IGFN1: variants seen among roughly 807,000 people sequenced by gnomAD.
IGFN1 encodes immunoglobulin like and fibronectin type III domain containing 1.
A neutral mutation model predicts 289.5 loss-of-function variants in IGFN1; 253 were observed. That is an observed-to-expected ratio of 0.87 (90% confidence interval 0.79 to 0.97). IGFN1 has a LOEUF of 0.97. IGFN1 is among the 50% of genes least tolerant of loss of function. The probability of loss-of-function intolerance (pLI) is 0.00; values close to 1 mark genes in which losing one functional copy is unlikely to be tolerated. For synonymous variants in IGFN1, 1,706 were observed against 1,788.5 expected (o/e 0.95, Z 1.16); for missense variants, 4,470 against 4,686.1 (o/e 0.95, Z 1.35).
At position 201,206,754 on chromosome 1, in the gene IGFN1, T is replaced by C. The variant is rs1374119520; in HGVS notation, c.1861T>C (p.Trp621Arg). The C allele has an allele frequency of 2.6e-6, 4 of 1,536,760 alleles. No homozygotes were observed. Among genetic ancestry groups the C allele is most frequent in the Middle Eastern group, 3.3e-4 (2 of 5,990 alleles). ...ATGCCAGTCTGATCCTGTAGGGTCC[T>C]GGCCAAGAGGAAAGCAGATAGAGAT... ...QGCQSDPVGS[W>R]PRGKQIEISQ... The change falls in exon 12 of 24, where the codon TGG becomes CGG. Residue 621 changes from tryptophan (W) to arginine (R), a missense_variant. By Grantham distance (101) the Trp-to-Arg change is moderately radical (BLOSUM62 -3). Coordinates refer to ENST00000335211, the MANE Select transcript of IGFN1 (RefSeq NM_001164586.2).
intron 15 of IGFN1, 66 bp from the exon 16 acceptor site, chr1:201,216,388 G>T (rs1653286529): frequency 1.5e-6 from 2 of 1,347,876 alleles, no homozygotes; most frequent in South Asian, 1.5e-5. Flanking sequence ...AGTTGGGGGG[G>T]TTGGCGCTGC....
At chr1:201,194,987 C>A (rs1666833841) in intron 3 of IGFN1, among the ~76,000 whole-genome samples, 1 of 152,096 alleles carries the variant, frequency 6.6e-6, no homozygotes, top group Non-Finnish European at 1.5e-5. Context: ...TGAGGGCGGG[C>A]AGTTCCCAGG....
chr1:201,208,820 T>A lies in IGFN1; in HGVS notation c.3927T>A (p.Gly1309=). Residue 1309 remains glycine (G), a synonymous_variant, in exon 12 of 24, where the codon GGT becomes GGA. Coordinates refer to ENST00000335211, the MANE Select transcript of IGFN1 (RefSeq NM_001164586.2). ...GSGSKADYRD[G]VGGSGAMGSM... ...GGAGCAAGGCAGATTATAGGGATGGTGTAGGGGGTTCTGGGGCAATGGGGT... is the reference window on the plus strand; with the variant it reads ...GGAGCAAGGCAGATTATAGGGATGGAGTAGGGGGTTCTGGGGCAATGGGGT... The A allele has an allele frequency of 6.5e-7, 1 of 1,533,682 alleles. No individual in the cohort carries two copies. The highest frequency in any genetic ancestry group is 1.4e-5 in the African/African-American group (1 of 72,038).
chr1:201,195,452 G>A (rs150360703), intron 3 of IGFN1, among the ~76,000 whole-genome samples: 22 of 152,184 alleles, frequency 1.4e-4, no homozygotes, highest in Admixed American at 9.8e-4. Flanking sequence ...GCGCCTGCCC[G>A]GAACTCACAA....
At chr1:201,193,203 G>A in intron 1 of IGFN1, 44 bp from the exon 2 acceptor site, 1 of 973,372 alleles carries the variant, frequency 1.0e-6, no homozygotes, top group African/African-American at 1.6e-5. Flanking sequence ...GGTGGGGTGA[G>A]ACCAGCCTGG....
At chr1:201,193,146 C>T in intron 1 of IGFN1, 101 bp from the exon 2 acceptor site, 2 of 625,378 alleles carry the variant, frequency 3.2e-6, no homozygotes, top group Non-Finnish European at 5.8e-6. Flanking sequence ...GCAGCTTTTT[C>T]CAGCTCCCAC....
chr1:201,216,109 G>A, intron 15 of IGFN1: 1 of 675,868 alleles, frequency 1.5e-6, no homozygotes, highest in Non-Finnish European at 2.7e-6. Flanking sequence ...TTGCTGGGTA[G>A]GATGGTGGTC....
Position 201,199,243 on chromosome 1 carries a change from C to G in IGFN1, c.368-91C>G. ...GTGGGGAGAGCAGGGCTCTGGGACT[C>G]CATCAGTTTCTCAGGAAGACCATCA... On this transcript the variant is annotated intron_variant, in intron 5 of 23. Coordinates refer to ENST00000335211, the MANE Select transcript of IGFN1 (RefSeq NM_001164586.2). 5 of 1,101,712 alleles carry G rather than the reference C, an allele frequency of 4.5e-6. No homozygotes were observed. The South Asian group carries it at 6.7e-5, about 15-fold the overall frequency. The allele number at this position is 1,101,712 out of a possible 1,614,324, so 68.2% of individuals were successfully genotyped here. A position where few individuals can be genotyped will look rare whatever the true frequency, so the allele number is the denominator to read the frequency against.
chr1:201,220,897 G>A (rs531477576), intron 18 of IGFN1, among the ~76,000 whole-genome samples: 16 of 152,268 alleles, frequency 1.1e-4, no homozygotes, highest in Admixed American at 6.5e-4. Context: ...TGATTCCAAC[G>A]TGCAGCCAGA....
chr1:201,217,302 C>T lies in IGFN1; in HGVS notation c.9611C>T (p.Pro3204Leu), dbSNP rs1653374577. 1 of 1,613,980 alleles carries T rather than the reference C, an allele frequency of 6.2e-7. No individual in the cohort carries two copies. Residue 3204 changes from proline to leucine, a missense_variant, in exon 17 of 24, where the codon CCT becomes CTT. Transcript: ENST00000335211. The stretch of plus-strand genomic sequence containing the variant: ...TTACCCCCAGCTCTCCCCAAGGCCC[C>T]TTCCGCGCCAGCCATCCTGTCGGCC... ...LVAPEALPKA[P>L]SAPAILSASS...
At position 201,194,292 on chromosome 1, in the gene IGFN1, T is replaced by G; in HGVS notation, c.127+19T>G. 1 of 1,550,358 alleles carries G rather than the reference T, an allele frequency of 6.5e-7. No homozygotes were observed. Among genetic ancestry groups the G allele is most frequent in the South Asian group, 1.2e-5 (1 of 83,970 alleles). On this transcript the variant is annotated intron_variant, in intron 3 of 23. Transcript: ENST00000335211. The stretch of plus-strand genomic sequence containing the variant: ...CCAGAGGGTGAGCCCAGAGGGGAGC[T>G]GCGGAGGGGAGGCAAGATTCTTGCT...
intron 19 of IGFN1, 100 bp downstream of exon 19, chr1:201,221,846 C>A: frequency 9.8e-7 from 1 of 1,020,234 alleles, no homozygotes; most frequent in African/African-American, 1.6e-5. Flanking sequence ...AGGATCCCCA[C>A]CCTCAGTTTC....
Position 201,216,602 on chromosome 1 carries a change from G to A in IGFN1, c.9444G>A (p.Trp3148Ter). 6.2e-7 allele frequency: 1 copy of A among 1,613,838 alleles called. No homozygotes were observed. The highest frequency in any genetic ancestry group is 1.1e-5 in the South Asian group (1 of 91,076). The change falls in exon 16 of 24, where the codon TGG (tryptophan) becomes TGA (stop). Residue 3148 changes from tryptophan to a stop codon, truncating the protein, a stop_gained. Coordinates refer to ENST00000335211, the MANE Select transcript of IGFN1 (RefSeq NM_001164586.2). LOFTEE classifies it high-confidence loss of function. ...GACGGCAGGCTGGCAGGAGCACTTG[G>A]CTGAAGGTGGGCGAGGCCCCCGCTG... ...VERRQAGRST[W>*]LKVGEAPADS... is the part of the protein sequence containing the mutation.
Position 201,227,075 on chromosome 1 carries a change from G to A in IGFN1, c.10980G>A (p.Val3660=), listed in dbSNP as rs766134966. The A allele has an allele frequency of 8.7e-6, 14 of 1,613,682 alleles. No individual in the cohort carries two copies. The South Asian group carries it at 1.3e-4, about 15-fold the overall frequency. The change falls in exon 23 of 24, where the codon GTG becomes GTA. Residue 3660 remains valine, a synonymous_variant. Transcript: ENST00000335211. ...GCAGCCTGGAAGGAAACCCCGCGGT[G>A]TACAGCACTGACCTGCTGGGCGTGT... ...NDRSLEGNPA[V]YSTDLLGVCS...
rs1399750414 is a variant in IGFN1 at position 201,211,218 on chromosome 1, G to A, written c.6325G>A (p.Asp2109Asn). ...ESMDEAGYRK[D>N]LGAPEGIGSG... ...AATGGATGAGGCAGGTTATAGGAAG[G>A]ATTTGGGGGCTCCTGAGGGAATAGG... Residue 2109 changes from aspartate (D) to asparagine (N), a missense_variant, in exon 12 of 24, where the codon GAT becomes AAT. By Grantham distance (23) the Asp-to-Asn change is conservative. This residue lies in a region of IGFN1 where 2,218 missense variants were observed against 2,114.1 expected (regional missense o/e 1.05). Coordinates refer to ENST00000335211, the MANE Select transcript of IGFN1 (RefSeq NM_001164586.2). 1.6e-5 allele frequency: 25 copies of A among 1,533,354 alleles called. No individual in the cohort carries two copies. In the Admixed American group the frequency reaches 3.4e-4, roughly 21 times the overall value. 95.0% of individuals were successfully genotyped at this position (1,533,354 alleles called of 1,614,324 possible). A position where few individuals can be genotyped will look rare whatever the true frequency, so the allele number is the denominator to read the frequency against.
rs368601672 is a variant in IGFN1 at position 201,217,369 on chromosome 1, C to A, written c.9678C>A (p.Gly3226=). Residue 3226 remains glycine (G), a synonymous_variant, in exon 17 of 24, where the codon GGC becomes GGA. Coordinates refer to ENST00000335211, the MANE Select transcript of IGFN1 (RefSeq NM_001164586.2). ...CACTGACATGGACAGCACCTCGGGGCCCCGGCAGCGCCCACATCCTGGGCT... is the reference window on the plus strand; with the variant it reads ...CACTGACATGGACAGCACCTCGGGGACCCGGCAGCGCCCACATCCTGGGCT... ...GITLTWTAPR[G]PGSAHILGYL... is the part of the protein sequence containing the mutation. 37 of 1,614,034 alleles carry A rather than the reference C, an allele frequency of 2.3e-5. No individual in the cohort carries two copies. The highest frequency in any genetic ancestry group is 1.6e-4 in the Middle Eastern group (1 of 6,082).
At chr1:201,217,232 A>T in intron 16 of IGFN1, 55 bp from the exon 17 acceptor site, 3 of 1,545,578 alleles carry the variant, frequency 1.9e-6, no homozygotes, top group Non-Finnish European at 1.8e-6. Context: ...GGGGCTCCCC[A>T]TGAGCCGGCA....
At chr1:201,227,308 C>A in intron 23 of IGFN1, 100 bp downstream of exon 23, 1 of 921,322 alleles carries the variant, frequency 1.1e-6, no homozygotes, top group South Asian at 1.7e-5. Flanking sequence ...GGGATTCAGC[C>A]GGGAGTCAGG....
chr1:201,201,812 A>G lies in IGFN1; in HGVS notation c.727A>G (p.Ser243Gly), dbSNP rs1357125282. 1 of 1,513,156 alleles carries G rather than the reference A, an allele frequency of 6.6e-7. No homozygotes were observed. Among genetic ancestry groups the G allele is most frequent in the Non-Finnish European group, 9.0e-7 (1 of 1,113,600 alleles). The allele number at this position is 1,513,156 out of a possible 1,614,324, so 93.7% of individuals were successfully genotyped here. A position where few individuals can be genotyped will look rare whatever the true frequency, so the allele number is the denominator to read the frequency against. ...GGAGCTGGATCTCAAGGATTCTCAGAGCAAGATTTACCTGTATAAGGTGAG... is the reference window on the plus strand; with the variant it reads ...GGAGCTGGATCTCAAGGATTCTCAGGGCAAGATTTACCTGTATAAGGTGAG... The part of the protein sequence containing the change: ...DLELDLKDSQ[S>G]KIYLYKDGEM... Residue 243 changes from serine to glycine, a missense_variant, in exon 9 of 24, where the codon AGC becomes GGC. Physicochemically the swap from Ser to Gly is moderately conservative, Grantham distance 56. Transcript: ENST00000335211.
Sources: allele counts gnomAD v4.1 joint callset (sites outside exome capture counted in the v4.1 genomes callset), GRCh38; gene constraint gnomAD v4.1.1; regional missense constraint gnomAD v4.1.1; transcripts MANE v1.5; gene names NCBI Gene and HGNC (gene_info 2026-07-23, HGNC 2026-07-21).